The following DOCK4 variants were observed in gnomAD, a reference collection of about 807,000 sequenced individuals.
DOCK4 encodes the protein dedicator of cytokinesis 4, also known as dedicator of cytokinesis protein 4.
Under a neutral mutation model 268.1 loss-of-function variants are expected in DOCK4, and 97 were observed. The ratio of observed to expected loss-of-function variants is 0.36; its 90% CI spans 0.31 to 0.43. The LOEUF (loss-of-function observed/expected upper bound fraction) is 0.43. Ranked by LOEUF, DOCK4 falls within the 20% of genes least tolerant of loss-of-function variation. DOCK4 has a pLI of 1.00. For synonymous variants in DOCK4, 954 were observed against 887.2 expected, an observed-to-expected ratio of 1.08 and a Z score of -1.34; for missense variants, 2,145 against 2,455.7, an observed-to-expected ratio of 0.87 and a Z score of 2.67.
chr7:112,131,594 C>T (rs1008919534), intron 1 of DOCK4, among the ~76,000 whole-genome samples: 3 of 152,032 alleles, frequency 2.0e-5, no homozygotes, highest in Non-Finnish European at 4.4e-5. Context: ...TGTATGCATG[C>T]ATTGTACAAT....
intron 22 of DOCK4, 131 bp from the exon 23 acceptor site, chr7:111,863,695 T>C: frequency 1.0e-6 from 1 of 996,742 alleles, no homozygotes; most frequent in Non-Finnish European, 1.4e-6. Flanking sequence ...AATGTTTCTG[T>C]TACCTAAAGC....
At chr7:112,113,504 T>C (rs1300967808) in intron 1 of DOCK4, among the ~76,000 whole-genome samples, 3 of 152,116 alleles carry the variant, frequency 2.0e-5, no homozygotes, top group Non-Finnish European at 2.9e-5. Context: ...CTCCCCCAAG[T>C]AGACAAGCTT....
chr7:111,976,271 A>ATT (rs1798192082), intron 8 of DOCK4, among the ~76,000 whole-genome samples: 1 of 610 alleles, frequency 1.6e-3, no homozygotes, highest in Non-Finnish European at 3.7e-3. Context: ...TGTGTCTATT[A>ATT]TATATATATA....
intron 22 of DOCK4, 101 bp downstream of exon 22, chr7:111,867,883 T>A: frequency 8.5e-7 from 1 of 1,176,036 alleles, no homozygotes; most frequent in Non-Finnish European, 1.1e-6. Flanking sequence ...ACTGGAGCAA[T>A]TGACTTCTGA....
chr7:111,736,767 T>A, intron 50 of DOCK4, 150 bp downstream of exon 50: 1 of 735,090 alleles, frequency 1.4e-6, no homozygotes. Flanking sequence ...CATGAATAAC[T>A]GTCTTTCATT....
intron 1 of DOCK4, among the ~76,000 whole-genome samples, chr7:112,142,198 C>T (rs1814997089): frequency 6.6e-6 from 1 of 152,156 alleles, no homozygotes; most frequent in African/African-American, 2.4e-5. Flanking sequence ...GAAAAAATAA[C>T]TCAGGCAAGG....
At chr7:112,018,774 C>T (rs1182555265) in intron 1 of DOCK4, among the ~76,000 whole-genome samples, 1 of 142,700 alleles carries the variant, frequency 7.0e-6, no homozygotes, top group Non-Finnish European at 1.5e-5. Context: ...TTTCTCCTTT[C>T]CCCTCTACTA....
intron 15 of DOCK4, among the ~76,000 whole-genome samples, chr7:111,899,090 T>C (rs1790909652): frequency 6.6e-6 from 1 of 152,226 alleles, no homozygotes; most frequent in Non-Finnish European, 1.5e-5. Context: ...CATGAAACTC[T>C]TCTGGGAATT....
rs944341285 is a variant in DOCK4, at chr7:112,043,882, G to A, written c.38-39751C>T. 1.2e-4 allele frequency among the ~76,000 whole-genome samples: 18 copies of A among 152,052 alleles called. 1 individual carries two copies. The East Asian group carries it at 3.5e-3, about 30-fold the overall frequency. ...CTTTATTATTTTGCATCTGAGGTAG[G>A]AAAACTAAGTTTAAAGAAAAGACTT... On this transcript the variant is annotated intron_variant, in intron 1 of 52. Coordinates refer to ENST00000428084, the MANE Select transcript of DOCK4 (RefSeq NM_001363540.2).
At chr7:111,862,211 A>G (rs541739341) in intron 23 of DOCK4, among the ~76,000 whole-genome samples, 12 of 152,026 alleles carry the variant, frequency 7.9e-5, no homozygotes, top group Non-Finnish European at 1.5e-4. Flanking sequence ...AGGCAGGACA[A>G]TCGCTTGAAC....
chr7:112,060,871 A>G (rs61028151), intron 1 of DOCK4, among the ~76,000 whole-genome samples: 5,376 of 152,256 alleles, frequency 0.035, 307 homozygotes, highest in African/African-American at 0.12. Context: ...CATGATGAAA[A>G]GAGTTACGAA....
intron 26 of DOCK4, among the ~76,000 whole-genome samples, chr7:111,830,978 G>C (rs190436763): frequency 6.6e-6 from 1 of 151,900 alleles, no homozygotes; most frequent in African/African-American, 2.4e-5. Context: ...TAGGTCCTTT[G>C]ACCTTCATAC....
intron 1 of DOCK4, among the ~76,000 whole-genome samples, chr7:112,178,100 A>G (rs561582426): frequency 5.9e-5 from 9 of 152,328 alleles, no homozygotes; most frequent in African/African-American, 2.2e-4. Context: ...TCACTCTCTC[A>G]TTCCCTGAGA....
At chr7:111,970,474 A>G (rs1030729763) in intron 8 of DOCK4, among the ~76,000 whole-genome samples, 1 of 152,214 alleles carries the variant, frequency 6.6e-6, no homozygotes, top group Non-Finnish European at 1.5e-5. Context: ...TAAGCATTAC[A>G]TAAGTGTTAA....
chr7:112,109,068 C>T (rs1349901803), intron 1 of DOCK4, among the ~76,000 whole-genome samples: 1 of 152,124 alleles, frequency 6.6e-6, no homozygotes, highest in Admixed American at 6.5e-5. Context: ...CTTTGCCTCT[C>T]TTGATGGATT....
At position 112,206,189 on chromosome 7, in the gene DOCK4, T is replaced by C; in HGVS notation, c.-51A>G. 4 of 1,541,696 alleles carry C rather than the reference T, an allele frequency of 2.6e-6. No individual in the cohort carries two copies. The highest frequency in any genetic ancestry group is 3.5e-6 in the Non-Finnish European group (4 of 1,137,154). On this transcript the variant is annotated 5_prime_UTR_variant, in exon 1 of 53. Transcript: ENST00000428084. ...GGCTTTGTAATCCCCGCGCCCCTTC[T>C]CCGGCTCACAACAATGCACAGTCCC...
intron 1 of DOCK4, among the ~76,000 whole-genome samples, chr7:112,155,202 A>G (rs1358414391): frequency 6.6e-6 from 1 of 152,160 alleles, no homozygotes; most frequent in Non-Finnish European, 1.5e-5. Context: ...TTCCCCAACT[A>G]CTTTTAAAAG....
chr7:111,910,654 C>T (rs943419775), intron 13 of DOCK4, among the ~76,000 whole-genome samples: 1 of 152,178 alleles, frequency 6.6e-6, no homozygotes, highest in Non-Finnish European at 1.5e-5. Context: ...TTAGCTTTGT[C>T]GCTCAAATGA....
chr7:111,942,502 C>T (rs1454470388), intron 10 of DOCK4, among the ~76,000 whole-genome samples: 2 of 152,164 alleles, frequency 1.3e-5, no homozygotes, highest in Non-Finnish European at 2.9e-5. Context: ...CTTCCTGGTT[C>T]TCTTCACCGC....
Sources: allele counts gnomAD v4.1 joint callset (sites outside exome capture counted in the v4.1 genomes callset), GRCh38; gene constraint gnomAD v4.1.1; transcripts MANE v1.5; gene names NCBI Gene and HGNC (gene_info 2026-07-23, HGNC 2026-07-21).